ATP6V1B2: variants seen among roughly 807,000 people sequenced by gnomAD.
ATP6V1B2 encodes ATPase H+ transporting V1 subunit B2, also known as V-type proton ATPase subunit B, brain isoform.
In ATP6V1B2, 23 loss-of-function variants were observed where a neutral mutation model predicts 66.7. The ratio of observed to expected loss-of-function variants is 0.34; its 90% CI spans 0.25 to 0.49. The LOEUF is 0.49. Ranked by LOEUF, ATP6V1B2 falls within the 20% of genes least tolerant of loss-of-function variation. The pLI, the probability that ATP6V1B2 is intolerant of heterozygous loss-of-function variation, is 0.99. For synonymous variants in ATP6V1B2, 278 were observed against 236.7 expected (o/e 1.17, Z -1.60); for missense variants, 478 against 650.8 (o/e 0.73, Z 2.89).
Position 20,197,560 on chromosome 8 carries a change from A to G in ATP6V1B2, c.136+18A>G, listed in dbSNP as rs1373311570. ...TCGCCTCAGTGAGTATCAGAGAGTA[A>G]TACGTCTCCGGTCTTTGCTCCCTAG... On this transcript the variant is annotated intron_variant, in intron 1 of 13. Coordinates refer to ENST00000276390, the MANE Select transcript of ATP6V1B2 (RefSeq NM_001693.4). 4 of 1,358,668 alleles carry G rather than the reference A, an allele frequency of 2.9e-6. No individual in the cohort carries two copies. The highest frequency in any genetic ancestry group is 3.8e-6 in the Non-Finnish European group (4 of 1,044,236). The allele number at this position is 1,358,668 out of a possible 1,614,324, so 84.2% of individuals were successfully genotyped here.
rs12677296 is a variant in ATP6V1B2 at position 20,200,913 on chromosome 8, G to A, written c.136+3371G>A. Among the ~76,000 whole-genome samples the A allele has an allele frequency of 2.0e-4, 30 of 152,296 alleles. No homozygotes were observed. The East Asian group carries it at 5.4e-3, about 27-fold the overall frequency. On this transcript the variant is annotated intron_variant, in intron 1 of 13. Coordinates refer to ENST00000276390, the MANE Select transcript of ATP6V1B2 (RefSeq NM_001693.4). ...TTTTTGTTTTGCTAATAAGGCAGAG[G>A]CTAAAAGACTAGGACACTTATTATG...
At chr8:20,216,672 C>G (rs1238662293) in intron 11 of ATP6V1B2, 177 bp downstream of exon 11, 9 of 527,168 alleles carry the variant, frequency 1.7e-5, no homozygotes, top group Non-Finnish European at 2.9e-5. Context: ...GGCAGAGCGC[C>G]AGAATTAAGA....
At chr8:20,198,169 A>G (rs1320569458) in intron 1 of ATP6V1B2, among the ~76,000 whole-genome samples, 1 of 152,252 alleles carries the variant, frequency 6.6e-6, no homozygotes, top group African/African-American at 2.4e-5. Context: ...CTATCATTTT[A>G]CAGGTGAGAA....
At position 20,210,410 on chromosome 8, in the gene ATP6V1B2, T is replaced by C; in HGVS notation, c.356T>C (p.Leu119Pro). ...KTSCEFTGDI[L>P]RTPVSEDMLG... ...TCCTGTGAGTTTACTGGGGATATTC[T>C]CCGAACACCGGTGTCTGAGGATATG... The change falls in exon 4 of 14, where the codon CTC becomes CCC. Residue 119 changes from leucine to proline, a missense_variant. This residue lies in a region of ATP6V1B2 where 326 missense variants were observed against 545.6 expected (regional missense o/e 0.60). Coordinates refer to ENST00000276390, the MANE Select transcript of ATP6V1B2 (RefSeq NM_001693.4). 6.2e-7 allele frequency: 1 copy of C among 1,613,684 alleles called. No homozygotes were observed. Among genetic ancestry groups the C allele is most frequent in the Non-Finnish European group, 8.5e-7 (1 of 1,179,682 alleles).
At chr8:20,199,833 A>G (rs981614319) in intron 1 of ATP6V1B2, among the ~76,000 whole-genome samples, 5 of 152,010 alleles carry the variant, frequency 3.3e-5, no homozygotes, top group Non-Finnish European at 7.4e-5. Context: ...CTGGTGGCGA[A>G]CTCCTGAGCT....
intron 1 of ATP6V1B2, among the ~76,000 whole-genome samples, chr8:20,203,671 C>G (rs1203602844): frequency 6.6e-6 from 1 of 152,144 alleles, no homozygotes; most frequent in African/African-American, 2.4e-5. Flanking sequence ...TTACTCTCCC[C>G]TGAGTGTTCT....
Position 20,206,843 on chromosome 8 carries a change from TCA to T in ATP6V1B2, c.192+2305_192+2306del, listed in dbSNP as rs140365098. The stretch of plus-strand genomic sequence containing the variant: ...TGGGGCTGAAATTTCCAATCCTCAC[TCA>T]GCATCACTATCCATCTTTCTGCTAA... On this transcript the variant is annotated intron_variant, in intron 2 of 13. Coordinates refer to ENST00000276390, the MANE Select transcript of ATP6V1B2 (RefSeq NM_001693.4). Among the ~76,000 whole-genome samples the T allele has an allele frequency of 4.4e-3, 675 of 152,296 alleles. 1 individual carries two copies. The highest frequency in any genetic ancestry group is 6.8e-3 in the Non-Finnish European group (460 of 68,002).
chr8:20,204,019 T>C (rs1430047819), intron 1 of ATP6V1B2: 2 of 455,896 alleles, frequency 4.4e-6, no homozygotes, highest in Non-Finnish European at 8.8e-6. Context: ...CATTAAGGAT[T>C]CCCTTTCCTC....
At chr8:20,214,697 G>A in intron 9 of ATP6V1B2, 121 bp from the exon 10 acceptor site, 3 of 1,124,138 alleles carry the variant, frequency 2.7e-6, no homozygotes, top group Non-Finnish European at 3.6e-6. Context: ...CTTAAGGACA[G>A]TATTTAAAAT....
chr8:20,216,669 C>T lies in ATP6V1B2; in HGVS notation c.1161+174C>T, dbSNP rs1339579051. ...ATCTTAAATTCTGGTGTCGGCAGAG[C>T]GCCAGAATTAAGAATCTTCTTAACA... On this transcript the variant is annotated intron_variant, in intron 11 of 13. Transcript: ENST00000276390. 20 of 530,496 alleles carry T rather than the reference C, an allele frequency of 3.8e-5. No individual in the cohort carries two copies. In the South Asian group the frequency reaches 4.3e-4, roughly 11 times the overall value. The allele number at this position is 530,496 out of a possible 1,614,324, so 32.9% of individuals were successfully genotyped here. A position where few individuals can be genotyped will look rare whatever the true frequency, so the allele number is the denominator to read the frequency against.
In ATP6V1B2 at chr8:20,218,233, T is replaced by G. The variant is rs551648027; in HGVS notation, c.1347T>G (p.Leu449=). The G allele has an allele frequency of 9.3e-5, 150 of 1,613,416 alleles. 1 individual carries two copies. In the South Asian group the frequency reaches 1.6e-3, roughly 17 times the overall value. The change falls in exon 13 of 14, where the codon CTT becomes CTG. Residue 449 remains leucine (L), a synonymous_variant. Transcript: ENST00000276390. ...AAGAAGCCCTTACCTCAGATGATCT[T>G]CTCTACTTGGAATTTCTGCAGAAGT... The part of the protein sequence containing the change: ...VGEEALTSDD[L]LYLEFLQKFE...
At position 20,212,173 on chromosome 8, in the gene ATP6V1B2, C is replaced by T; in HGVS notation, c.777C>T (p.Leu259=). The change falls in exon 8 of 14, where the codon CTC becomes CTT. Residue 259 remains leucine (L), a synonymous_variant. Transcript: ENST00000276390. The part of the protein sequence containing the change: ...EENGSMDNVC[L]FLNLANDPTI... ...ATGGCTCAATGGACAATGTCTGCCT[C>T]TTTTTGAACTTGGCTAATGACCCAA... 6.2e-7 allele frequency: 1 copy of T among 1,613,644 alleles called. No individual in the cohort carries two copies. The highest frequency in any genetic ancestry group is 8.5e-7 in the Non-Finnish European group (1 of 1,179,758).
intron 2 of ATP6V1B2, among the ~76,000 whole-genome samples, chr8:20,207,517 A>G (rs1293357116): frequency 6.6e-6 from 1 of 152,150 alleles, no homozygotes; most frequent in Non-Finnish European, 1.5e-5. Flanking sequence ...ACATGTATAC[A>G]TATGTAACTA....
chr8:20,200,256 G>A (rs1057195528), intron 1 of ATP6V1B2, among the ~76,000 whole-genome samples: 1 of 151,898 alleles, frequency 6.6e-6, no homozygotes, highest in Admixed American at 6.6e-5. Flanking sequence ...GAGCTCAAGA[G>A]ATCCGCCCGC....
intron 10 of ATP6V1B2, chr8:20,216,210 C>G: frequency 2.6e-6 from 1 of 386,852 alleles, no homozygotes; most frequent in Non-Finnish European, 4.6e-6. Context: ...TAGATAGCCA[C>G]ATTTGGCTAA....
intron 9 of ATP6V1B2, chr8:20,214,455 T>C (rs577476212): frequency 6.2e-6 from 1 of 162,326 alleles, no homozygotes; most frequent in African/African-American, 2.4e-5. Context: ...GTTAGATAAA[T>C]ATGGCTAGTT....
rs73669744 is a variant in ATP6V1B2, at chr8:20,210,764, C to T, written c.463+118C>T. ...ACTTAAAGTAGATAGGCAACACGCT[C>T]CATAGGTTATAAATTATTTTATTAT... is the stretch of plus-strand genomic sequence containing the variant. On this transcript the variant is annotated intron_variant, in intron 5 of 13. Transcript: ENST00000276390. The T allele has an allele frequency of 8.0e-3, 4,429 of 551,602 alleles. 163 individuals are homozygous for T. The highest frequency in any genetic ancestry group is 0.079 in the African/African-American group (4,037 of 51,306). 34.2% of individuals were successfully genotyped at this position (551,602 alleles called of 1,614,324 possible).
In ATP6V1B2 at chr8:20,220,841, T is replaced by A. The variant is rs2072900108; in HGVS notation, c.*439T>A. On this transcript the variant is annotated 3_prime_UTR_variant, in exon 14 of 14. Transcript: ENST00000276390. ...CCTTTGAGAAGGGCCAAGAGGCTCT[T>A]TCCTGAGTGTTTGCTTTCGGTTTGT... 6.5e-6 allele frequency: 1 copy of A among 153,840 alleles called. No individual in the cohort carries two copies. The highest frequency in any genetic ancestry group is 2.4e-5 in the African/African-American group (1 of 41,524). 9.5% of individuals were successfully genotyped at this position (153,840 alleles called of 1,614,324 possible). A position where few individuals can be genotyped will look rare whatever the true frequency, so the allele number is the denominator to read the frequency against.
At chr8:20,217,183 TTAAA>T (rs2072863229) in intron 11 of ATP6V1B2, 33 bp from the exon 12 acceptor site, 2 of 1,530,942 alleles carry the variant, frequency 1.3e-6, no homozygotes, top group East Asian at 2.3e-5. Context: ...AGTTTTGTAC[TTAAA>T]TATAGTATTT....
Sources: gnomAD v4.1 joint callset for allele counts (sites outside exome capture counted in the v4.1 genomes callset) on GRCh38, gnomAD v4.1.1 for gene constraint, gnomAD v4.1.1 regional missense constraint, MANE v1.5 for transcripts, NCBI Gene and HGNC (gene_info 2026-07-23, HGNC 2026-07-21) for gene names.